CWC27: variants seen among roughly 807,000 people sequenced by gnomAD.
CWC27 encodes the protein spliceosome-associated protein CWC27 homolog.
Under a neutral mutation model 63.6 loss-of-function variants are expected in CWC27, and 47 were observed. The ratio of observed to expected loss-of-function variants is 0.74; its 90% CI spans 0.58 to 0.94. The LOEUF is 0.94. Ranked by LOEUF, CWC27 falls within the 40% of genes least tolerant of loss-of-function variation. The pLI is 0.00. For missense variants in CWC27, 495 were observed against 554.3 expected (o/e 0.89, Z 1.07); for synonymous variants, 175 against 179.8 (o/e 0.97, Z 0.22).
At position 64,971,738 on chromosome 5, in the gene CWC27, T is replaced by C; in HGVS notation, c.1078T>C (p.Tyr360His). The C allele has an allele frequency of 6.2e-7, 1 of 1,611,184 alleles. No homozygotes were observed. The highest frequency in any genetic ancestry group is 8.5e-7 in the Non-Finnish European group (1 of 1,178,868). Residue 360 changes from tyrosine (Y) to histidine (H), a missense_variant, in exon 12 of 14, where the codon TAC becomes CAC. Tyr to His is a moderately conservative substitution (Grantham distance 83). Around this residue, in one of 3 missense-constraint regions of CWC27, gnomAD observed 463 missense variants for 498.1 expected, o/e 0.93. Coordinates refer to ENST00000381070, the MANE Select transcript of CWC27 (RefSeq NM_005869.4). Reference sequence around the variant, plus strand: ...CCCTCCAGATGGTGCTGTTGCCGAATACAGAAGAGAAAAGCAAAAGTATGA... The same window carrying C: ...CCCTCCAGATGGTGCTGTTGCCGAACACAGAAGAGAAAAGCAAAAGTATGA... ...EAPPDGAVAE[Y>H]RREKQKYEAL... is the part of the protein sequence containing the mutation.
At chr5:64,985,928 C>T (rs1255450475) in intron 13 of CWC27, among the ~76,000 whole-genome samples, 1 of 152,134 alleles carries the variant, frequency 6.6e-6, no homozygotes, top group Non-Finnish European at 1.5e-5. Context: ...ACCCAAATCT[C>T]ACCTTGAATT....
At chr5:64,901,285 C>T (rs999853002) in intron 11 of CWC27, among the ~76,000 whole-genome samples, 2 of 151,676 alleles carry the variant, frequency 1.3e-5, no homozygotes, top group African/African-American at 2.4e-5. Context: ...CACAGTGAAA[C>T]CCCGTCTCTA....
intron 13 of CWC27, among the ~76,000 whole-genome samples, chr5:65,007,626 CTTTTTTTTTT>C (rs57750177): frequency 9.2e-6 from 1 of 108,170 alleles, no homozygotes; most frequent in Non-Finnish European, 1.9e-5. Flanking sequence ...TCATCATTTT[CTTTTTTTTTT>C]TTTTTTTTTG....
chr5:64,948,959 A>G (rs1313715715), intron 11 of CWC27, among the ~76,000 whole-genome samples: 3 of 152,024 alleles, frequency 2.0e-5, no homozygotes, highest in Non-Finnish European at 4.4e-5. Flanking sequence ...AATAGTAGAT[A>G]ATTTTGATGA....
chr5:65,014,272 C>A, intron 13 of CWC27, among the ~76,000 whole-genome samples: 1 of 144,684 alleles, frequency 6.9e-6, no homozygotes, highest in African/African-American at 2.5e-5. Flanking sequence ...TAATATATAC[C>A]ATAGAGATCA....
intron 10 of CWC27, among the ~76,000 whole-genome samples, chr5:64,855,546 T>C (rs1229122789): frequency 6.6e-6 from 1 of 152,110 alleles, no homozygotes; most frequent in African/African-American, 2.4e-5. Context: ...GAATCAAAAC[T>C]AAGTGCCATG....
At chr5:64,871,681 T>G (rs915270479) in intron 10 of CWC27, among the ~76,000 whole-genome samples, 2 of 152,060 alleles carry the variant, frequency 1.3e-5, no homozygotes, top group African/African-American at 4.8e-5. Context: ...CTTTAAATAT[T>G]GTTTAAAATA....
At chr5:64,867,064 T>C (rs1014993088) in intron 10 of CWC27, among the ~76,000 whole-genome samples, 5 of 152,160 alleles carry the variant, frequency 3.3e-5, no homozygotes, top group African/African-American at 9.6e-5. Flanking sequence ...GGGAAGCAAT[T>C]TGGGTTAGTT....
intron 10 of CWC27, among the ~76,000 whole-genome samples, chr5:64,876,960 G>A (rs1426841798): frequency 6.6e-6 from 1 of 151,988 alleles, no homozygotes; most frequent in African/African-American, 2.4e-5. Context: ...TATAAAAATT[G>A]TAAATATGTT....
intron 2 of CWC27, among the ~76,000 whole-genome samples, chr5:64,781,057 T>C (rs1743669314): frequency 6.6e-6 from 1 of 152,212 alleles, no homozygotes; most frequent in African/African-American, 2.4e-5. Context: ...TGAGATGCCA[T>C]GCTTCTGCCA....
At chr5:64,913,244 C>A (rs1364341324) in intron 11 of CWC27, among the ~76,000 whole-genome samples, 3 of 152,046 alleles carry the variant, frequency 2.0e-5, no homozygotes, top group Non-Finnish European at 4.4e-5. Context: ...AGAAATAGGA[C>A]AGTAGTATGC....
At chr5:64,927,583 C>T (rs1748143753) in intron 11 of CWC27, among the ~76,000 whole-genome samples, 1 of 152,150 alleles carries the variant, frequency 6.6e-6, no homozygotes, top group South Asian at 2.1e-4. Context: ...ATCACCCACC[C>T]CACTTTCCAC....
At chr5:64,817,621 C>T (rs557181948) in intron 10 of CWC27, among the ~76,000 whole-genome samples, 7 of 152,172 alleles carry the variant, frequency 4.6e-5, no homozygotes, top group East Asian at 3.9e-4. Flanking sequence ...TAACAGCAGA[C>T]ACAATATAAA....
chr5:64,774,843 A>G (rs1296624651), intron 2 of CWC27, 56 bp downstream of exon 2: 2 of 1,005,198 alleles, frequency 2.0e-6, no homozygotes, highest in Non-Finnish European at 3.1e-6. Context: ...AATAAACTGC[A>G]GTGTCTGCTT....
chr5:65,010,900 C>A (rs1367089510), intron 13 of CWC27, among the ~76,000 whole-genome samples: 2 of 152,300 alleles, frequency 1.3e-5, no homozygotes, highest in African/African-American at 4.8e-5. Context: ...TGTATTAATA[C>A]TATCAAGGAG....
chr5:64,872,591 T>C (rs1249704264), intron 10 of CWC27, among the ~76,000 whole-genome samples: 1 of 152,200 alleles, frequency 6.6e-6, no homozygotes, highest in Non-Finnish European at 1.5e-5. Flanking sequence ...TATATTTAAA[T>C]CATTTGTCCA....
At chr5:64,932,982 G>A (rs959172342) in intron 11 of CWC27, among the ~76,000 whole-genome samples, 5 of 151,962 alleles carry the variant, frequency 3.3e-5, no homozygotes, top group Non-Finnish European at 7.4e-5. Context: ...CTGTCTTATT[G>A]TATATTAAAT....
chr5:64,935,718 A>T (rs1269818684), intron 11 of CWC27, among the ~76,000 whole-genome samples: 1 of 152,126 alleles, frequency 6.6e-6, no homozygotes, highest in African/African-American at 2.4e-5. Context: ...CATGATACTG[A>T]TTCTTCCTAT....
At chr5:64,788,866 G>C (rs1743975044) in intron 6 of CWC27, 85 bp from the exon 7 acceptor site, 1 of 855,904 alleles carries the variant, frequency 1.2e-6, no homozygotes, top group African/African-American at 1.7e-5. Context: ...TGTAAATTCT[G>C]TTCTCTTGCT....
Sources: allele counts gnomAD v4.1 joint callset (sites outside exome capture counted in the v4.1 genomes callset), GRCh38; gene constraint gnomAD v4.1.1; regional missense constraint gnomAD v4.1.1; transcripts MANE v1.5; gene names NCBI Gene and HGNC (gene_info 2026-07-23, HGNC 2026-07-21).